The following LIG3 variants were observed in gnomAD, a reference collection of about 807,000 sequenced individuals.
LIG3 encodes DNA ligase 3, also known as ligase II, DNA, ATP-dependent.
LIG3 carries 58 observed loss-of-function variants against 110.9 expected under a neutral mutation model. The ratio of observed to expected loss-of-function variants is 0.52; its 90% CI spans 0.42 to 0.65. LIG3 has a LOEUF of 0.65. Among genes scored for constraint, LIG3 ranks in the 30% least tolerant of loss-of-function variants. The probability of loss-of-function intolerance (pLI) is 0.00; values close to 1 mark genes in which losing one functional copy is unlikely to be tolerated. For synonymous variants in LIG3, 422 were observed against 472.8 expected, an observed-to-expected ratio of 0.89 and a Z score of 1.39; for missense variants, 1,094 against 1,273.8, an observed-to-expected ratio of 0.86 and a Z score of 2.15.
intron 16 of LIG3, 23 bp from the exon 17 acceptor site, chr17:35,001,234 A>T: frequency 3.7e-6 from 6 of 1,611,054 alleles, no homozygotes; most frequent in Non-Finnish European, 5.1e-6. Flanking sequence ...ACCAGTGATG[A>T]CCTGCTGGCT....
rs953007087 is a variant in LIG3, at chr17:35,004,575, G to A, written c.*69G>A. 1.5e-6 allele frequency: 2 copies of A among 1,303,160 alleles called. No homozygotes were observed. Among genetic ancestry groups the A allele is most frequent in the Non-Finnish European group, 2.2e-6 (2 of 908,208 alleles). 80.7% of individuals were successfully genotyped at this position (1,303,160 alleles called of 1,614,324 possible). A position where few individuals can be genotyped will look rare whatever the true frequency, so the allele number is the denominator to read the frequency against. On this transcript the variant is annotated 3_prime_UTR_variant, in exon 20 of 20. Coordinates refer to ENST00000378526, the MANE Select transcript of LIG3 (RefSeq NM_013975.4). ...ATACTACTGGACTGGACTCAGGCTG[G>A]AGGCAGATAGACACAGTATAGGGGG...
Position 34,989,504 on chromosome 17 carries a change from A to T in LIG3, c.730A>T (p.Thr244Ser). 6.2e-7 allele frequency: 1 copy of T among 1,613,824 alleles called. No individual in the cohort carries two copies. Among genetic ancestry groups the T allele is most frequent in the Non-Finnish European group, 8.5e-7 (1 of 1,179,964 alleles). Residue 244 changes from threonine (T) to serine (S), a missense_variant, in exon 4 of 20, where the codon ACC becomes TCC. Thr to Ser is a moderately conservative substitution (Grantham distance 58). Transcript: ENST00000378526. ...NNSGEAPSSP[T>S]PKRSLSSSKC... is the part of the protein sequence containing the mutation. ...CTCTGGGGAAGCCCCCTCGAGCCCC[A>T]CCCCTAAGAGAAGTCTGTCTTCAAG...
At chr17:34,986,275 C>T (rs951994341) in intron 3 of LIG3, 144 bp downstream of exon 3, 1 of 818,342 alleles carries the variant, frequency 1.2e-6, no homozygotes, top group Non-Finnish European at 2.0e-6. Context: ...CTGGTAATGG[C>T]TAATTCTAAG....
At chr17:34,981,913 C>T (rs1419862833) in intron 1 of LIG3, among the ~76,000 whole-genome samples, 1 of 152,210 alleles carries the variant, frequency 6.6e-6, no homozygotes, top group African/African-American at 2.4e-5. Flanking sequence ...CCAGTGACTT[C>T]AGCATTCTCT....
At position 34,998,324 on chromosome 17, in the gene LIG3, G is replaced by T. The variant is rs376044761; in HGVS notation, c.1989+28G>T. The T allele has an allele frequency of 1.1e-5, 17 of 1,587,088 alleles. No individual in the cohort carries two copies. The African/African-American group carries it at 2.3e-4, about 21-fold the overall frequency. ...AAAGTGGCCTCGCTTGGCTTCTCCT[G>T]TCGACTCACTCGCAGCCCTCTCCCC... On this transcript the variant is annotated intron_variant, in intron 13 of 19. Transcript: ENST00000378526.
chr17:34,989,750 C>A, intron 4 of LIG3, 87 bp downstream of exon 4: 1 of 1,251,940 alleles, frequency 8.0e-7, no homozygotes. Flanking sequence ...TGTATAGTTG[C>A]CCGGGATCCC....
In LIG3 at chr17:34,980,567, G is replaced by T. The variant is rs12945428; in HGVS notation, c.-60G>T. 5 of 1,286,970 alleles carry T rather than the reference G, an allele frequency of 3.9e-6. No homozygotes were observed. The Admixed American group carries it at 1.2e-4, about 30-fold the overall frequency. The allele number at this position is 1,286,970 out of a possible 1,614,324, so 79.7% of individuals were successfully genotyped here. On this transcript the variant is annotated 5_prime_UTR_variant, in exon 1 of 20. Coordinates refer to ENST00000378526, the MANE Select transcript of LIG3 (RefSeq NM_013975.4). The stretch of plus-strand genomic sequence containing the variant: ...GCTCCAACCGTCGTGGGCTGCCCGC[G>T]GCCTGTAATGAGCAAGTTCCGAGGC...
At chr17:34,990,617 G>A (rs890032721) in intron 4 of LIG3, among the ~76,000 whole-genome samples, 2 of 152,180 alleles carry the variant, frequency 1.3e-5, no homozygotes, top group East Asian at 1.9e-4. Flanking sequence ...GTGTGTGTGT[G>A]AGACAGTGTC....
Position 35,008,545 on chromosome 17 carries a change from C to G in LIG3, c.*4039C>G, listed in dbSNP as rs2090912721. ...CTCCTGGCTCAAGTGATCCTCCCAC[C>G]TCAGCCTTCCAAGTAGTTGGGACTA... On this transcript the variant is annotated 3_prime_UTR_variant, in exon 20 of 20. Transcript: ENST00000378526. 6.6e-6 allele frequency: 1 copy of G among 152,130 alleles called. No individual in the cohort carries two copies. The highest frequency in any genetic ancestry group is 6.5e-5 in the Admixed American group (1 of 15,270). The allele number at this position is 152,130 out of a possible 1,614,324, so 9.4% of individuals were successfully genotyped here.
Position 35,004,431 on chromosome 17 carries a change from C to T in LIG3, c.2955C>T (p.Asn985=). The change falls in exon 20 of 20, where the codon AAC becomes AAT. Residue 985 remains asparagine (N), a synonymous_variant. Coordinates refer to ENST00000378526, the MANE Select transcript of LIG3 (RefSeq NM_013975.4). The part of the protein sequence containing the change: ...ATHVLGSRDK[N]PAAQQVSPEW... ...ACGTGCTGGGTAGCAGGGACAAGAA[C>T]CCTGCGGCCCAGCAGGTCTCCCCAG... 1 of 1,614,206 alleles carries T rather than the reference C, an allele frequency of 6.2e-7. No homozygotes were observed. The highest frequency in any genetic ancestry group is 1.3e-5 in the African/African-American group (1 of 75,044).
In LIG3 at chr17:34,992,556, C is replaced by A; in HGVS notation, c.1319C>A (p.Ala440Asp). Reference sequence around the variant, plus strand: ...GCCCTTGACCCCAATGCCTATGAAGCCTTCAAAGCCTCGCGCAACCTGCAG... The same window carrying A: ...GCCCTTGACCCCAATGCCTATGAAGACTTCAAAGCCTCGCGCAACCTGCAG... The part of the protein sequence containing the change: ...LDALDPNAYE[A>D]FKASRNLQDV... The change falls in exon 8 of 20, where the codon GCC (alanine) becomes GAC (aspartate). Residue 440 changes from alanine (A) to aspartate (D), a missense_variant. Physicochemically the swap from Ala to Asp is moderately radical, Grantham distance 126. Coordinates refer to ENST00000378526, the MANE Select transcript of LIG3 (RefSeq NM_013975.4). The A allele has an allele frequency of 6.2e-7, 1 of 1,610,712 alleles. No individual in the cohort carries two copies. Among genetic ancestry groups the A allele is most frequent in the Non-Finnish European group, 8.5e-7 (1 of 1,178,526 alleles).
rs2090827542 is a variant in LIG3, at chr17:35,000,418, C to G, written c.2331+562C>G. 2.6e-5 allele frequency among the ~76,000 whole-genome samples: 4 copies of G among 151,990 alleles called. No individual in the cohort carries two copies. The South Asian group carries it at 8.3e-4, about 32-fold the overall frequency. The stretch of plus-strand genomic sequence containing the variant: ...GGATTACAGGCATGTGCCACCGTGG[C>G]CAGCTAATTTTGTATTTTTAGTAGA... On this transcript the variant is annotated intron_variant, in intron 16 of 19. Coordinates refer to ENST00000378526, the MANE Select transcript of LIG3 (RefSeq NM_013975.4).
At chr17:34,984,510 G>T (rs536612441) in intron 2 of LIG3, among the ~76,000 whole-genome samples, 1 of 151,938 alleles carries the variant, frequency 6.6e-6, no homozygotes, top group Non-Finnish European at 1.5e-5. Context: ...GATGCTTTTA[G>T]TCTTATCCCG....
intron 5 of LIG3, chr17:34,991,405 C>G (rs1006665283): frequency 3.5e-6 from 2 of 568,106 alleles, no homozygotes; most frequent in African/African-American, 3.8e-5. Context: ...TTATTCTGGA[C>G]TCTTTTTTTC....
intron 2 of LIG3, 21 bp from the exon 3 acceptor site, chr17:34,985,967 T>C: frequency 1.2e-6 from 2 of 1,608,906 alleles, no homozygotes; most frequent in East Asian, 2.2e-5. Context: ...GGATATTTTA[T>C]ACTCTTTTGG....
At position 34,997,834 on chromosome 17, in the gene LIG3, A is replaced by G. The variant is rs750666742; in HGVS notation, c.1911+9A>G. 1.9e-6 allele frequency: 3 copies of G among 1,607,324 alleles called. No individual in the cohort carries two copies. The African/African-American group carries it at 4.0e-5, about 21-fold the overall frequency. ...AAATGAAGCGAGTCACAGTAAGTGA[A>G]GACCCTATGCTAGGCAGTGTCCTAG... On this transcript the variant is annotated intron_variant, in intron 12 of 19. Transcript: ENST00000378526.
intron 14 of LIG3, 57 bp from the exon 15 acceptor site, chr17:34,999,250 T>C: frequency 6.4e-7 from 1 of 1,565,812 alleles, no homozygotes; most frequent in Non-Finnish European, 8.7e-7. Context: ...CCCTGGGCTC[T>C]TGGGACTGGC....
Position 34,992,610 on chromosome 17 carries a change from C to T in LIG3, c.1373C>T (p.Ala458Val), listed in dbSNP as rs1444808295. The T allele has an allele frequency of 6.2e-6, 10 of 1,613,874 alleles. No individual in the cohort carries two copies. Among genetic ancestry groups the T allele is most frequent in the Non-Finnish European group, 7.6e-6 (9 of 1,179,908 alleles). ...QDVVERVLHN[A>V]QEVEKEPGQR... The stretch of plus-strand genomic sequence containing the variant: ...GTGGTGGAGCGGGTCCTTCACAACG[C>T]GCAGGAGGTGGAGAAGGAGCCGGGC... The change falls in exon 8 of 20, where the codon GCG becomes GTG. Residue 458 changes from alanine to valine, a missense_variant. Ala to Val is a moderately conservative substitution (Grantham distance 64). Coordinates refer to ENST00000378526, the MANE Select transcript of LIG3 (RefSeq NM_013975.4).
chr17:34,993,154 C>G (rs748765196), intron 8 of LIG3, among the ~76,000 whole-genome samples: 2 of 152,208 alleles, frequency 1.3e-5, no homozygotes, highest in African/African-American at 2.4e-5. Context: ...AGGGAGGACA[C>G]ATAAGGAATG....
Sources: gnomAD v4.1 joint callset for allele counts (sites outside exome capture counted in the v4.1 genomes callset) on GRCh38, gnomAD v4.1.1 for gene constraint, MANE v1.5 for transcripts, NCBI Gene and HGNC (gene_info 2026-07-23, HGNC 2026-07-21) for gene names.